ATXN1: variants seen among roughly 807,000 people sequenced by gnomAD.
ATXN1 encodes the protein ataxin-1.
In ATXN1, 8 loss-of-function variants were observed where a neutral mutation model predicts 56.4. The observed-to-expected ratio is 0.14, with a 90% CI of 0.08 to 0.26. The LOEUF (loss-of-function observed/expected upper bound fraction) is 0.26, where lower values mean the gene tolerates loss of function less well. Among genes scored for constraint, ATXN1 ranks in the 10% least tolerant of loss-of-function variants. The probability of loss-of-function intolerance (pLI) is 1.00; values close to 1 mark genes in which losing one functional copy is unlikely to be tolerated. For synonymous variants in ATXN1, 514 were observed against 494.6 expected, an observed-to-expected ratio of 1.04 and a Z score of -0.52; for missense variants, 987 against 1,106.5, an observed-to-expected ratio of 0.89 and a Z score of 1.53.
intron 4 of ATXN1, among the ~76,000 whole-genome samples, chr6:16,566,635 C>T (rs7775798): frequency 0.037 from 5,679 of 151,938 alleles, 349 homozygotes; most frequent in African/African-American, 0.13. Flanking sequence ...GGGCGGATCA[C>T]GAGGTCAGGA....
chr6:16,365,424 C>A (rs1048416505), intron 6 of ATXN1, among the ~76,000 whole-genome samples: 1 of 152,170 alleles, frequency 6.6e-6, no homozygotes, highest in Admixed American at 6.5e-5. Context: ...GTGATCCACC[C>A]ACATTGGCCT....
intron 4 of ATXN1, among the ~76,000 whole-genome samples, chr6:16,525,619 CAG>C (rs1429226490): frequency 6.6e-6 from 1 of 152,034 alleles, no homozygotes; most frequent in Non-Finnish European, 1.5e-5. Flanking sequence ...GATAGCACAA[CAG>C]AGTGACTATA....
chr6:16,431,900 G>T (rs538904041), intron 6 of ATXN1, among the ~76,000 whole-genome samples: 1 of 152,292 alleles, frequency 6.6e-6, no homozygotes, highest in East Asian at 1.9e-4. Context: ...GGCAAAAGCA[G>T]ATTCCTTAGC....
intron 4 of ATXN1, among the ~76,000 whole-genome samples, chr6:16,570,044 C>A (rs572528186): frequency 1.3e-5 from 2 of 152,292 alleles, no homozygotes; most frequent in South Asian, 4.1e-4. Flanking sequence ...CAAAAAGGAA[C>A]TTCTACTGTG....
At chr6:16,558,552 G>C (rs1762058282) in intron 4 of ATXN1, among the ~76,000 whole-genome samples, 1 of 151,808 alleles carries the variant, frequency 6.6e-6, no homozygotes, top group South Asian at 2.1e-4. Flanking sequence ...TTATTATTAT[G>C]TAAAAACAGG....
At chr6:16,689,818 C>T (rs1402807751) in intron 2 of ATXN1, among the ~76,000 whole-genome samples, 1 of 152,040 alleles carries the variant, frequency 6.6e-6, no homozygotes, top group African/African-American at 2.4e-5. Context: ...ATTATGAGGG[C>T]TAAAAATGAA....
chr6:16,656,494 T>G (rs1227843566), intron 3 of ATXN1, among the ~76,000 whole-genome samples: 1 of 148,226 alleles, frequency 6.7e-6, no homozygotes, highest in African/African-American at 2.7e-5. Flanking sequence ...TGAACGGGGT[T>G]GATAAAAAAA....
At chr6:16,586,277 T>C (rs1376154755) in intron 3 of ATXN1, among the ~76,000 whole-genome samples, 1 of 152,206 alleles carries the variant, frequency 6.6e-6, no homozygotes, top group African/African-American at 2.4e-5. Context: ...CAGTTCTTCA[T>C]AGAAAATGTC....
intron 2 of ATXN1, among the ~76,000 whole-genome samples, chr6:16,688,845 C>T (rs1474517474): frequency 6.6e-6 from 1 of 152,130 alleles, no homozygotes; most frequent in South Asian, 2.1e-4. Context: ...ATATCCCTGA[C>T]AACCACCAAA....
chr6:16,614,775 T>C (rs991019171), intron 3 of ATXN1, among the ~76,000 whole-genome samples: 4 of 151,178 alleles, frequency 2.6e-5, no homozygotes, highest in Non-Finnish European at 4.4e-5. Context: ...ATACAAAAAT[T>C]AGCCAGGCGT....
At chr6:16,347,865 T>C (rs1761456014) in intron 6 of ATXN1, among the ~76,000 whole-genome samples, 1 of 151,880 alleles carries the variant, frequency 6.6e-6, no homozygotes, top group African/African-American at 2.4e-5. Flanking sequence ...CTTTCCACAC[T>C]GTGGAAGCTT....
chr6:16,311,412 C>G (rs1467866687), intron 7 of ATXN1, among the ~76,000 whole-genome samples: 1 of 152,154 alleles, frequency 6.6e-6, no homozygotes, highest in African/African-American at 2.4e-5. Flanking sequence ...ACTAAGCATT[C>G]CTGCTACCCC....
chr6:16,683,944 T>A (rs1320892189), intron 2 of ATXN1, among the ~76,000 whole-genome samples: 2 of 152,216 alleles, frequency 1.3e-5, no homozygotes, highest in Non-Finnish European at 2.9e-5. Context: ...AGTTCATGGT[T>A]CACGGTTCTT....
chr6:16,663,947 T>C (rs1758375939), intron 2 of ATXN1, among the ~76,000 whole-genome samples: 1 of 152,144 alleles, frequency 6.6e-6, no homozygotes, highest in South Asian at 2.1e-4. Context: ...TAAAAAGAAA[T>C]ACAACAAAAC....
Position 16,648,187 on chromosome 6 carries a change from T to C in ATXN1, c.-489+9589A>G, listed in dbSNP as rs754333627. Among the ~76,000 whole-genome samples, 12 of 152,334 alleles carry C rather than the reference T, an allele frequency of 7.9e-5. No homozygotes were observed. The South Asian group carries it at 1.2e-3, about 16-fold the overall frequency. On this transcript the variant is annotated intron_variant, in intron 3 of 7. Coordinates refer to ENST00000436367, the MANE Select transcript of ATXN1 (RefSeq NM_001128164.2). ...CACTTCTCTTTTATATCCTTCCTCATTGAAGCTACTATTGCTTACAGACAC... is the reference window on the plus strand; with the variant it reads ...CACTTCTCTTTTATATCCTTCCTCACTGAAGCTACTATTGCTTACAGACAC...
intron 2 of ATXN1, among the ~76,000 whole-genome samples, chr6:16,671,509 C>T (rs952198487): frequency 3.9e-5 from 6 of 152,084 alleles, no homozygotes; most frequent in Non-Finnish European, 5.9e-5. Context: ...TGTGTTTCTA[C>T]AGTTAACATT....
At position 16,616,642 on chromosome 6, in the gene ATXN1, T is replaced by C. The variant is rs546691248; in HGVS notation, c.-488-30735A>G. Among the ~76,000 whole-genome samples, 155 of 142,698 alleles carry C rather than the reference T, an allele frequency of 1.1e-3. 3 individuals are homozygous for C. In the South Asian group the frequency reaches 0.02, roughly 18 times the overall value. The allele number at this position is 142,698 out of a possible 152,430, so 93.6% of individuals were successfully genotyped here. On this transcript the variant is annotated intron_variant, in intron 3 of 7. Coordinates refer to ENST00000436367, the MANE Select transcript of ATXN1 (RefSeq NM_001128164.2). ...TTATATATTTATATAAAATATATTA[T>C]ATAATGTATAATATAAAATTATATA...
At chr6:16,312,944 C>G (rs952780034) in intron 7 of ATXN1, among the ~76,000 whole-genome samples, 18 of 152,286 alleles carry the variant, frequency 1.2e-4, no homozygotes, top group African/African-American at 4.1e-4. Flanking sequence ...GTGGTACAAT[C>G]TCGGCTCACT....
Position 16,306,110 on chromosome 6 carries a change from T to C in ATXN1, c.*219A>G, listed in dbSNP as rs1581677570. The C allele has an allele frequency of 2.1e-6, 1 of 487,594 alleles. No individual in the cohort carries two copies. Among genetic ancestry groups the C allele is most frequent in the East Asian group, 4.4e-5 (1 of 22,518 alleles). 30.2% of individuals were successfully genotyped at this position (487,594 alleles called of 1,614,324 possible). On this transcript the variant is annotated 3_prime_UTR_variant, in exon 8 of 8. Coordinates refer to ENST00000436367, the MANE Select transcript of ATXN1 (RefSeq NM_001128164.2). The surrounding 1 kb of genome is among the most constrained non-coding windows in gnomAD (Gnocchi z 5.2). Reference sequence around the variant, plus strand: ...TGCCTGGAGCCCTGACCGCTCCTGCTGTGCCCTTCCTCCCGCCCGCTCACT... The same window carrying C: ...TGCCTGGAGCCCTGACCGCTCCTGCCGTGCCCTTCCTCCCGCCCGCTCACT...
Sources: gnomAD v4.1 joint callset for allele counts (sites outside exome capture counted in the v4.1 genomes callset) on GRCh38, gnomAD v4.1.1 for gene constraint, Gnocchi (gnomAD v3.1) non-coding constraint, MANE v1.5 for transcripts, NCBI Gene and HGNC (gene_info 2026-07-23, HGNC 2026-07-21) for gene names.